SLC41A2: variants seen among roughly 807,000 people sequenced by gnomAD.
SLC41A2 encodes the protein solute carrier family 41 member 2, also known as SLC41A1-like 1.
SLC41A2 carries 32 observed loss-of-function variants against 58.3 expected under a neutral mutation model. The ratio of observed to expected loss-of-function variants is 0.55; its 90% CI spans 0.41 to 0.74. SLC41A2 has a LOEUF of 0.74. Among genes scored for constraint, SLC41A2 ranks in the 30% least tolerant of loss-of-function variants. SLC41A2 has a pLI of 0.00. For synonymous variants in SLC41A2, 190 were observed against 235.0 expected (o/e 0.81, Z 1.75); for missense variants, 514 against 680.6 (o/e 0.76, Z 2.72).
At chr12:104,880,796 G>T (rs2044327158) in intron 6 of SLC41A2, among the ~76,000 whole-genome samples, 1 of 152,082 alleles carries the variant, frequency 6.6e-6, no homozygotes, top group Non-Finnish European at 1.5e-5. Context: ...TTGTGTCTCT[G>T]CCAGGCTTTG....
intron 10 of SLC41A2, among the ~76,000 whole-genome samples, chr12:104,829,623 G>C (rs1308579582): frequency 1.3e-5 from 2 of 151,760 alleles, no homozygotes; most frequent in Non-Finnish European, 2.9e-5. Flanking sequence ...TGTATATCAA[G>C]TATGCCTTAA....
At chr12:104,844,444 A>C in intron 10 of SLC41A2, 28 bp downstream of exon 10, 1 of 1,366,440 alleles carries the variant, frequency 7.3e-7, no homozygotes. Context: ...TCAGCATAAA[A>C]GAGATTTCAA....
rs138755422 is a variant in SLC41A2 at position 104,928,529 on chromosome 12, T to C, written c.-2A>G. The C allele has an allele frequency of 1.6e-4, 230 of 1,483,420 alleles. No individual in the cohort carries two copies. In the Middle Eastern group the frequency reaches 1.6e-3, roughly 11 times the overall value. 91.9% of individuals were successfully genotyped at this position (1,483,420 alleles called of 1,614,324 possible). On this transcript the variant is annotated 5_prime_UTR_variant, in exon 2 of 11. Transcript: ENST00000258538. ...AGATCTTCCTTTACTATTAGTCATA[T>C]TGTCATCACAAAAGACCCTGTACTC... is the stretch of plus-strand genomic sequence containing the variant.
rs903546801 is a variant in SLC41A2 at position 104,814,733 on chromosome 12, A to G, written c.1537-9396T>C. Among the ~76,000 whole-genome samples, 8 of 152,330 alleles carry G rather than the reference A, an allele frequency of 5.3e-5. 1 individual carries two copies. Among genetic ancestry groups the G allele is most frequent in the Admixed American group, 1.3e-4 (2 of 15,306 alleles). ...AGGGCTAAGCAAATGCTTGGTTTATAGTAAGTACTAAGTAAATATTGGTGC... is the reference window on the plus strand; with the variant it reads ...AGGGCTAAGCAAATGCTTGGTTTATGGTAAGTACTAAGTAAATATTGGTGC... On this transcript the variant is annotated intron_variant, in intron 10 of 10. Transcript: ENST00000258538.
Position 104,802,001 on chromosome 12 carries a change from A to G in SLC41A2, c.*3151T>C, listed in dbSNP as rs964061057. On this transcript the variant is annotated 3_prime_UTR_variant, in exon 11 of 11. Coordinates refer to ENST00000258538, the MANE Select transcript of SLC41A2 (RefSeq NM_001352171.3). ...AATTCGAAGATGGCAGAACCCCGTT[A>G]TAAATGGGTACACTATACCATAGAT... 7.2e-5 allele frequency among the ~76,000 whole-genome samples: 11 copies of G among 152,322 alleles called. No homozygotes were observed. Among genetic ancestry groups the G allele is most frequent in the Non-Finnish European group, 1.0e-4 (7 of 68,028 alleles).
At chr12:104,879,762 T>C (rs1393536311) in intron 6 of SLC41A2, among the ~76,000 whole-genome samples, 1 of 152,182 alleles carries the variant, frequency 6.6e-6, no homozygotes, top group Non-Finnish European at 1.5e-5. Flanking sequence ...TGGCTTAGGA[T>C]TGTCTTGGCA....
At chr12:104,898,928 A>G (rs942048064) in intron 3 of SLC41A2, among the ~76,000 whole-genome samples, 1 of 152,218 alleles carries the variant, frequency 6.6e-6, no homozygotes, top group Non-Finnish European at 1.5e-5. Flanking sequence ...ACAAGATAGC[A>G]CTACACACCT....
intron 10 of SLC41A2, among the ~76,000 whole-genome samples, chr12:104,836,121 G>A (rs1374333995): frequency 6.6e-6 from 1 of 152,224 alleles, no homozygotes; most frequent in Admixed American, 6.5e-5. Context: ...TGGGATTAGA[G>A]GTGTGAGTCC....
intron 1 of SLC41A2, 95 bp downstream of exon 1, chr12:104,957,993 C>T (rs920042881): frequency 1.3e-5 from 2 of 151,622 alleles, no homozygotes; most frequent in Non-Finnish European, 2.9e-5. Context: ...CCGCCGGGTC[C>T]CGAGCCCAGG....
chr12:104,932,742 C>G (rs1050512199), intron 1 of SLC41A2, among the ~76,000 whole-genome samples: 2 of 150,264 alleles, frequency 1.3e-5, no homozygotes, highest in African/African-American at 4.9e-5. Flanking sequence ...CAAATACAAC[C>G]AACTGATATT....
At chr12:104,874,479 C>T (rs1391540474) in intron 6 of SLC41A2, among the ~76,000 whole-genome samples, 6 of 152,040 alleles carry the variant, frequency 3.9e-5, no homozygotes, top group Non-Finnish European at 5.9e-5. Flanking sequence ...TGGCTTCAGG[C>T]GTTATGTTTA....
intron 1 of SLC41A2, among the ~76,000 whole-genome samples, chr12:104,935,371 A>G (rs1417448768): frequency 2.1e-5 from 3 of 141,878 alleles, no homozygotes; most frequent in Non-Finnish European, 3.1e-5. Context: ...TCACCACAAA[A>G]AAAAGTCAGT....
At chr12:104,842,293 C>T (rs1409389169) in intron 10 of SLC41A2, among the ~76,000 whole-genome samples, 3 of 151,996 alleles carry the variant, frequency 2.0e-5, no homozygotes, top group Non-Finnish European at 4.4e-5. Context: ...AATTTACAAC[C>T]TATCCTAAGC....
chr12:104,948,191 C>G (rs963734997), intron 1 of SLC41A2, among the ~76,000 whole-genome samples: 3 of 152,212 alleles, frequency 2.0e-5, no homozygotes, highest in South Asian at 2.1e-4. Flanking sequence ...ATAACAGTAG[C>G]CTTTCACTAA....
chr12:104,937,024 T>C (rs2047311005), intron 1 of SLC41A2, among the ~76,000 whole-genome samples: 1 of 152,226 alleles, frequency 6.6e-6, no homozygotes, highest in Admixed American at 6.5e-5. Flanking sequence ...GGCAGGAGTT[T>C]TCCTTGAGTC....
Position 104,928,592 on chromosome 12 carries a change from CAGAACCGCACAAACACTGGTTT to C in SLC41A2, c.-87_-66del, listed in dbSNP as rs2046942479. The C allele has an allele frequency of 2.0e-6, 2 of 980,742 alleles. No individual in the cohort carries two copies. The highest frequency in any genetic ancestry group is 3.3e-5 in the African/African-American group (2 of 61,434). The allele number at this position is 980,742 out of a possible 1,614,324, so 60.8% of individuals were successfully genotyped here. On this transcript the variant is annotated 5_prime_UTR_variant, in exon 2 of 11. Transcript: ENST00000258538. ...GCTTCGGGAACCACAGCAGATGAAT[CAGAACCGCACAAACACTGGTTT>C]AAATTAAGTTGTTGACTTCATTGTG...
intron 3 of SLC41A2, among the ~76,000 whole-genome samples, chr12:104,898,544 C>CAA (rs1431464365): frequency 1.8e-4 from 18 of 98,350 alleles, no homozygotes; most frequent in Admixed American, 2.0e-4. Context: ...ACTATATGTG[C>CAA]AAAAAAAAAA....
intron 2 of SLC41A2, among the ~76,000 whole-genome samples, chr12:104,913,229 A>T (rs1015794330): frequency 8.6e-5 from 13 of 151,858 alleles, no homozygotes; most frequent in African/African-American, 3.2e-4. Flanking sequence ...AACTGAAAGA[A>T]CACTCTTACG....
At chr12:104,860,804 A>T (rs1018988735) in intron 8 of SLC41A2, among the ~76,000 whole-genome samples, 2 of 151,572 alleles carry the variant, frequency 1.3e-5, no homozygotes, top group Admixed American at 1.3e-4. Flanking sequence ...CAAACCCCTA[A>T]CCTCAAGCGA....
Sources: allele counts gnomAD v4.1 joint callset (sites outside exome capture counted in the v4.1 genomes callset), GRCh38; gene constraint gnomAD v4.1.1; transcripts MANE v1.5; gene names NCBI Gene and HGNC (gene_info 2026-07-23, HGNC 2026-07-21).